Variants in HLCS observed in about 807,000 individuals in gnomAD.
HLCS encodes the protein holocarboxylase synthetase.
HLCS carries 53 observed loss-of-function variants against 75.0 expected under a neutral mutation model. That is an observed-to-expected ratio of 0.71 (90% CI 0.57 to 0.89). The LOEUF is 0.89. HLCS is among the 40% of genes least tolerant of loss of function. The pLI, the probability that HLCS is intolerant of heterozygous loss-of-function variation, is 0.00. For synonymous variants in HLCS, 431 were observed against 428.6 expected (o/e 1.01, Z -0.07); for missense variants, 966 against 1,074.0 (o/e 0.90, Z 1.41).
intron 6 of HLCS, among the ~76,000 whole-genome samples, chr21:36,809,382 T>C (rs1264768646): frequency 2.6e-5 from 4 of 152,256 alleles, no homozygotes; most frequent in African/African-American, 4.8e-5. Flanking sequence ...TCTTCAACTT[T>C]GGTTTTCAAA....
chr21:36,855,208 T>C (rs964467009), intron 6 of HLCS, among the ~76,000 whole-genome samples: 3 of 152,122 alleles, frequency 2.0e-5, no homozygotes, highest in African/African-American at 7.2e-5. Context: ...ATTATCTGTA[T>C]AGATCGTTTA....
At chr21:36,755,821 G>A (rs929988956) in intron 10 of HLCS, among the ~76,000 whole-genome samples, 1 of 152,242 alleles carries the variant, frequency 6.6e-6, no homozygotes, top group Admixed American at 6.5e-5. Context: ...AGGGTGCTGG[G>A]CCCAGCCCAG....
At chr21:36,973,659 A>G (rs1235931269) in intron 1 of HLCS, 2 of 152,262 alleles carry the variant, frequency 1.3e-5, no homozygotes, top group East Asian at 3.9e-4. Context: ...AGATACTCAG[A>G]GGGGATTTAA....
At chr21:36,927,388 G>A (rs1041392729) in intron 5 of HLCS, among the ~76,000 whole-genome samples, 9 of 152,210 alleles carry the variant, frequency 5.9e-5, no homozygotes, top group Non-Finnish European at 8.8e-5. Flanking sequence ...TCGCTGAGGC[G>A]AGTGTTTTTT....
At chr21:36,847,679 G>A (rs2062843522) in intron 6 of HLCS, among the ~76,000 whole-genome samples, 1 of 152,128 alleles carries the variant, frequency 6.6e-6, no homozygotes, top group African/African-American at 2.4e-5. Context: ...AGCAGAAAGA[G>A]GATTTTCTTG....
chr21:36,953,541 T>C (rs746850932), intron 2 of HLCS, among the ~76,000 whole-genome samples: 8 of 152,234 alleles, frequency 5.3e-5, no homozygotes, highest in African/African-American at 1.7e-4. Flanking sequence ...TGGGTCCCAC[T>C]GTTATACAAC....
intron 5 of HLCS, among the ~76,000 whole-genome samples, chr21:36,902,248 G>A (rs973058144): frequency 6.6e-6 from 1 of 152,200 alleles, no homozygotes; most frequent in African/African-American, 2.4e-5. Flanking sequence ...GAGGAATGGG[G>A]TGAAAGCAGG....
At chr21:36,970,794 C>T (rs932581646), upstream of HLCS, among the ~76,000 whole-genome samples, 1 of 151,964 alleles carries the variant, frequency 6.6e-6, no homozygotes, top group Admixed American at 6.6e-5. Context: ...AGATCGAGAC[C>T]ATCCTGGCTA....
At chr21:36,830,904 AC>A (rs952302872) in intron 6 of HLCS, among the ~76,000 whole-genome samples, 1 of 150,584 alleles carries the variant, frequency 6.6e-6, no homozygotes, top group African/African-American at 2.4e-5. Context: ...TGAGGTATCT[AC>A]CCTAGTTATC....
intron 6 of HLCS, among the ~76,000 whole-genome samples, chr21:36,779,603 G>A (rs189826631): frequency 6.6e-6 from 1 of 152,212 alleles, no homozygotes; most frequent in East Asian, 1.9e-4. Flanking sequence ...ATATTACTGC[G>A]AAATCACACT....
At chr21:36,854,989 T>G (rs11088365) in intron 6 of HLCS, among the ~76,000 whole-genome samples, 76,579 of 151,490 alleles carry the variant, frequency 0.51, 20,592 homozygotes, top group African/African-American at 0.69. Context: ...ACAAGCACAA[T>G]CTGTTTCGCA....
intron 6 of HLCS, among the ~76,000 whole-genome samples, chr21:36,810,994 C>A (rs1264238386): frequency 6.6e-6 from 1 of 152,132 alleles, no homozygotes; most frequent in Admixed American, 6.5e-5. Context: ...TAATAGTCCA[C>A]AGTGCTGATT....
intron 6 of HLCS, among the ~76,000 whole-genome samples, chr21:36,840,140 T>A (rs1468005687): frequency 2.6e-5 from 4 of 152,228 alleles, no homozygotes; most frequent in African/African-American, 9.6e-5. Flanking sequence ...GTAACTTTAC[T>A]TATCCTAGTA....
intron 6 of HLCS, among the ~76,000 whole-genome samples, chr21:36,787,873 A>T (rs1441446050): frequency 6.6e-6 from 1 of 152,184 alleles, no homozygotes; most frequent in Non-Finnish European, 1.5e-5. Flanking sequence ...GGCTGATAAA[A>T]TAGCCAGGTC....
chr21:36,803,139 AG>A (rs1476041393), intron 6 of HLCS, among the ~76,000 whole-genome samples: 1 of 152,230 alleles, frequency 6.6e-6, no homozygotes, highest in Non-Finnish European at 1.5e-5. Flanking sequence ...ACACACTACT[AG>A]GTCCACAAAG....
intron 6 of HLCS, among the ~76,000 whole-genome samples, chr21:36,868,086 G>A (rs2063621449): frequency 6.6e-6 from 1 of 151,782 alleles, no homozygotes; most frequent in South Asian, 2.1e-4. Flanking sequence ...GGAGGCAGAG[G>A]TTGTAATGAG....
intron 6 of HLCS, among the ~76,000 whole-genome samples, chr21:36,807,085 A>T (rs1028726489): frequency 1.3e-5 from 2 of 152,208 alleles, no homozygotes; most frequent in African/African-American, 4.8e-5. Context: ...AGCAAGACAG[A>T]AGTCACCCAG....
At chr21:36,779,275 C>T (rs1234143942) in intron 6 of HLCS, among the ~76,000 whole-genome samples, 2 of 152,200 alleles carry the variant, frequency 1.3e-5, no homozygotes, top group Middle Eastern at 3.4e-3. Context: ...AACTGTATTT[C>T]CTTCCGTCCA....
intron 6 of HLCS, among the ~76,000 whole-genome samples, chr21:36,786,324 C>A (rs1390407543): frequency 6.6e-6 from 1 of 151,672 alleles, no homozygotes; most frequent in Non-Finnish European, 1.5e-5. Context: ...TACCATACCG[C>A]CAAAGGTGTC....
Sources: gnomAD v4.1 joint callset for allele counts (sites outside exome capture counted in the v4.1 genomes callset) on GRCh38, gnomAD v4.1.1 for gene constraint, MANE v1.5 for transcripts, NCBI Gene and HGNC (gene_info 2026-07-23, HGNC 2026-07-21) for gene names.